Variants in DYNC2H1 observed in about 807,000 individuals in gnomAD.
The protein encoded by DYNC2H1 is cytoplasmic dynein 2 heavy chain 1.
In DYNC2H1, 410 loss-of-function variants were observed where a neutral mutation model predicts 570.0. The ratio of observed to expected loss-of-function variants is 0.72; its 90% CI spans 0.66 to 0.78. The LOEUF is 0.78. Ranked by LOEUF, DYNC2H1 falls within the 30% of genes least tolerant of loss-of-function variation. DYNC2H1 has a pLI of 0.00. For synonymous variants in DYNC2H1, 1,688 were observed against 1,677.6 expected (o/e 1.01, Z -0.15); for missense variants, 4,865 against 5,046.4 (o/e 0.96, Z 1.09).
intron 17 of DYNC2H1, among the ~76,000 whole-genome samples, chr11:103,142,006 C>A (rs865860511): frequency 3.3e-5 from 5 of 152,210 alleles, no homozygotes; most frequent in Admixed American, 6.5e-5. Flanking sequence ...ATAGGACCCT[C>A]CCAGCCATGT....
intron 75 of DYNC2H1, among the ~76,000 whole-genome samples, chr11:103,291,565 T>C (rs1201845726): frequency 8.5e-5 from 13 of 152,244 alleles, no homozygotes; most frequent in Admixed American, 8.5e-4. Context: ...AAATGTCTGT[T>C]ATGTCTATTT....
chr11:103,406,487 G>A (rs1400377356), intron 84 of DYNC2H1: 1 of 151,844 alleles, frequency 6.6e-6, no homozygotes. Context: ...CCTGTTAGTG[G>A]AGGTAAATCT....
At position 103,261,254 on chromosome 11, in the gene DYNC2H1, G is replaced by A. The variant is rs1294790648; in HGVS notation, c.10695+1277G>A. ...GAGACAGAGCAGCTGGGGGGAAGGGGTGGCTGTGGGCGCAGCATCAGCAGA... is the reference window on the plus strand; with the variant it reads ...GAGACAGAGCAGCTGGGGGGAAGGGATGGCTGTGGGCGCAGCATCAGCAGA... On this transcript the variant is annotated intron_variant, in intron 70 of 88. Transcript: ENST00000375735. The surrounding 1 kb of genome is among the most constrained non-coding windows in gnomAD (Gnocchi z 4.8). Among the ~76,000 whole-genome samples the A allele has an allele frequency of 6.6e-6, 1 of 150,642 alleles. No individual in the cohort carries two copies. Among genetic ancestry groups the A allele is most frequent in the Non-Finnish European group, 1.5e-5 (1 of 67,160 alleles).
Position 103,411,428 on chromosome 11 carries a change from C to T in DYNC2H1, c.12366+11556C>T, listed in dbSNP as rs138456674. On this transcript the variant is annotated intron_variant, in intron 84 of 88. Coordinates refer to ENST00000375735, the MANE Select transcript of DYNC2H1 (RefSeq NM_001377.3). ...AGATTGTTAGGAAAATTATATCAAT[C>T]GAGGGGTAGCCGTTGAGGTACTCAT... 4.2e-3 allele frequency among the ~76,000 whole-genome samples: 638 copies of T among 150,310 alleles called. 3 individuals are homozygous for T. The highest frequency in any genetic ancestry group is 0.014 in the African/African-American group (574 of 40,926).
intron 53 of DYNC2H1, 95 bp downstream of exon 53, chr11:103,210,055 A>C: frequency 7.8e-7 from 1 of 1,276,610 alleles, no homozygotes; most frequent in Non-Finnish European, 1.0e-6. Flanking sequence ...CATGATTATA[A>C]ATTTGAATAA....
intron 80 of DYNC2H1, among the ~76,000 whole-genome samples, chr11:103,317,227 T>C (rs1937901688): frequency 6.6e-6 from 1 of 152,000 alleles, no homozygotes; most frequent in Non-Finnish European, 1.5e-5. Context: ...AACAAATCTC[T>C]CAATTCCTGT....
intron 83 of DYNC2H1, among the ~76,000 whole-genome samples, chr11:103,372,109 T>C (rs1412353786): frequency 6.8e-6 from 1 of 147,282 alleles, no homozygotes; most frequent in Non-Finnish European, 1.5e-5. Flanking sequence ...GGCACGATCT[T>C]GCTCACTGCA....
intron 83 of DYNC2H1, among the ~76,000 whole-genome samples, chr11:103,394,862 GC>G (rs1942327166): frequency 6.6e-6 from 1 of 151,992 alleles, no homozygotes. Flanking sequence ...CTAATAACTG[GC>G]TTTTGGTACA....
chr11:103,221,999 C>G (rs1173211732), intron 57 of DYNC2H1, 31 bp from the exon 58 acceptor site: 2 of 1,591,610 alleles, frequency 1.3e-6, no homozygotes, highest in Non-Finnish European at 1.7e-6. Context: ...TTTTATTTAG[C>G]CTCATTTAAG....
rs866259522 is a variant in DYNC2H1, at chr11:103,461,108, G to A, written c.12648+4752G>A. On this transcript the variant is annotated intron_variant, in intron 87 of 88. Transcript: ENST00000375735. The surrounding 1 kb of genome is among the most constrained non-coding windows in gnomAD (Gnocchi z 4.8). ...TAAAAGCACATTTTCTAACTTTCTC[G>A]CCTGCAGTTTCCAATAATGTTACCA... 2.0e-5 allele frequency among the ~76,000 whole-genome samples: 3 copies of A among 151,990 alleles called. No individual in the cohort carries two copies. Among genetic ancestry groups the A allele is most frequent in the African/African-American group, 2.4e-5 (1 of 41,356 alleles).
At chr11:103,320,800 T>G (rs1938144821) in intron 80 of DYNC2H1, among the ~76,000 whole-genome samples, 1 of 152,186 alleles carries the variant, frequency 6.6e-6, no homozygotes, top group Admixed American at 6.5e-5. Flanking sequence ...TGTATAATAT[T>G]AATACTTCTA....
chr11:103,421,940 T>A (rs1943503847), intron 84 of DYNC2H1, among the ~76,000 whole-genome samples: 2 of 147,744 alleles, frequency 1.4e-5, no homozygotes, highest in Non-Finnish European at 3.0e-5. Flanking sequence ...AATAGACCAC[T>A]AGCTAGAATA....
At chr11:103,130,700 T>C (rs1859226061) in intron 13 of DYNC2H1, among the ~76,000 whole-genome samples, 1 of 152,184 alleles carries the variant, frequency 6.6e-6, no homozygotes, top group South Asian at 2.1e-4. Flanking sequence ...ATTTTTGACC[T>C]TTTCCCTCTA....
At chr11:103,468,187 C>G (rs1945257415) in intron 87 of DYNC2H1, among the ~76,000 whole-genome samples, 1 of 151,188 alleles carries the variant, frequency 6.6e-6, no homozygotes, top group Non-Finnish European at 1.5e-5. Context: ...GAACTTTATT[C>G]TATTCCTTAA....
chr11:103,387,758 G>A (rs1357299247), intron 83 of DYNC2H1, among the ~76,000 whole-genome samples: 2 of 152,140 alleles, frequency 1.3e-5, no homozygotes, highest in Admixed American at 1.3e-4. Context: ...TTAAAATAGG[G>A]AATCCTTTCC....
intron 83 of DYNC2H1, among the ~76,000 whole-genome samples, chr11:103,397,730 A>G (rs1218038637): frequency 6.6e-6 from 1 of 152,212 alleles, no homozygotes; most frequent in African/African-American, 2.4e-5. Flanking sequence ...ACCTGTCTCT[A>G]CAAAAAATAC....
chr11:103,453,052 G>A (rs1056701450), intron 85 of DYNC2H1, among the ~76,000 whole-genome samples: 1 of 151,936 alleles, frequency 6.6e-6, no homozygotes, highest in Non-Finnish European at 1.5e-5. Context: ...CCATTTAGCT[G>A]TTCAATTCTA....
chr11:103,407,528 G>T (rs1287410149), intron 84 of DYNC2H1: 4 of 151,920 alleles, frequency 2.6e-5, no homozygotes, highest in Non-Finnish European at 4.4e-5. Flanking sequence ...TTTTTTCATA[G>T]AAGATATGAA....
intron 82 of DYNC2H1, among the ~76,000 whole-genome samples, chr11:103,330,315 G>A (rs566578137): frequency 1.3e-5 from 2 of 152,014 alleles, no homozygotes; most frequent in East Asian, 3.9e-4. Flanking sequence ...ATGTTTGTAC[G>A]AATTTGTGCA....
Sources: allele counts gnomAD v4.1 joint callset (sites outside exome capture counted in the v4.1 genomes callset), GRCh38; gene constraint gnomAD v4.1.1; non-coding constraint Gnocchi (gnomAD v3.1); transcripts MANE v1.5; gene names NCBI Gene and HGNC (gene_info 2026-07-23, HGNC 2026-07-21).